Variants in FGF14 observed in about 807,000 individuals in gnomAD.
FGF14 encodes fibroblast growth factor homologous factor 4.
FGF14 carries 5 observed loss-of-function variants against 25.5 expected under a neutral mutation model. The ratio of observed to expected loss-of-function variants is 0.20; its 90% CI spans 0.10 to 0.41. The LOEUF (loss-of-function observed/expected upper bound fraction) is 0.41, where lower values mean the gene tolerates loss of function less well. FGF14 is among the 10% of genes least tolerant of loss of function. FGF14 has a pLI of 1.00. For synonymous variants in FGF14, 138 were observed against 118.3 expected, an observed-to-expected ratio of 1.17 and a Z score of -1.08; for missense variants, 222 against 320.1, an observed-to-expected ratio of 0.69 and a Z score of 2.34.
intron 1 of FGF14, among the ~76,000 whole-genome samples, chr13:101,998,633 C>T (rs2039316300): frequency 1.3e-5 from 2 of 152,250 alleles, no homozygotes; most frequent in South Asian, 2.1e-4. Flanking sequence ...TGTGCAAGAC[C>T]TTCAGTCAAT....
chr13:102,287,607 A>C (rs1249060708), intron 1 of FGF14, among the ~76,000 whole-genome samples: 2 of 152,230 alleles, frequency 1.3e-5, no homozygotes, highest in African/African-American at 4.8e-5. Context: ...TTAGTTGATC[A>C]AATTTCTAAT....
chr13:102,276,349 GTGTGTATA>G (rs1278976012), intron 1 of FGF14, among the ~76,000 whole-genome samples: 8 of 32,762 alleles, frequency 2.4e-4, no homozygotes, highest in African/African-American at 9.8e-4. Context: ...GTGTGTGTGT[GTGTGTATA>G]TATATATATA....
chr13:102,182,322 C>T (rs2048708924), intron 1 of FGF14, among the ~76,000 whole-genome samples: 1 of 152,156 alleles, frequency 6.6e-6, no homozygotes, highest in Non-Finnish European at 1.5e-5. Flanking sequence ...ACAGCAGACT[C>T]TACCTCAGAG....
chr13:101,978,809 T>C (rs1483441847), intron 1 of FGF14, among the ~76,000 whole-genome samples: 1 of 152,146 alleles, frequency 6.6e-6, no homozygotes, highest in Non-Finnish European at 1.5e-5. Context: ...GTACCTTTGA[T>C]AGATAAGCCC....
intron 1 of FGF14, among the ~76,000 whole-genome samples, chr13:102,277,631 G>GAGGATCCC (rs2053612266): frequency 6.6e-6 from 1 of 152,224 alleles, no homozygotes; most frequent in Admixed American, 6.5e-5. Context: ...CCAAGCAGGG[G>GAGGATCCC]AGGATCCCAG....
intron 1 of FGF14, chr13:102,263,125 G>T (rs932714408): frequency 3.2e-6 from 2 of 621,034 alleles, no homozygotes; most frequent in Admixed American, 1.9e-5. Flanking sequence ...AAATCCACTG[G>T]GGAATGGGAT....
At position 101,916,838 on chromosome 13, in the gene FGF14, G is replaced by T. The variant is rs2033564169; in HGVS notation, c.-193C>A. 6.6e-6 allele frequency among the ~76,000 whole-genome samples: 1 copy of T among 152,152 alleles called. No individual in the cohort carries two copies. The highest frequency in any genetic ancestry group is 1.5e-5 in the Non-Finnish European group (1 of 68,014). On this transcript the variant is annotated 5_prime_UTR_variant, in exon 1 of 5. Transcript: ENST00000376143. ...CATCGCCCTCTCCGCGGGGCGCGGG[G>T]CCAGGCGCGCAGATGCGCCCAGGGC...
intron 3 of FGF14, among the ~76,000 whole-genome samples, chr13:101,866,717 T>C (rs190259180): frequency 1.4e-3 from 211 of 152,268 alleles, no homozygotes; most frequent in African/African-American, 4.8e-3. Context: ...ATATTTGAAG[T>C]TCAAATTTTT....
intron 1 of FGF14, among the ~76,000 whole-genome samples, chr13:102,381,413 G>C (rs1032749779): frequency 1.3e-5 from 2 of 152,196 alleles, no homozygotes; most frequent in Non-Finnish European, 2.9e-5. Context: ...TGGTGCCTTT[G>C]TAAGAGAGGC....
At chr13:102,026,890 C>T (rs1174574868) in intron 1 of FGF14, among the ~76,000 whole-genome samples, 1 of 151,840 alleles carries the variant, frequency 6.6e-6, no homozygotes, top group South Asian at 2.1e-4. Flanking sequence ...AGAATTGAAC[C>T]CAGTGAAAGA....
At chr13:102,172,860 C>G (rs901833984) in intron 1 of FGF14, among the ~76,000 whole-genome samples, 9 of 152,164 alleles carry the variant, frequency 5.9e-5, no homozygotes, top group African/African-American at 2.2e-4. Flanking sequence ...ACCTGGTTAA[C>G]CTACCACATG....
chr13:102,059,176 G>A (rs1005315355), intron 1 of FGF14, among the ~76,000 whole-genome samples: 38 of 152,274 alleles, frequency 2.5e-4, no homozygotes, highest in African/African-American at 8.7e-4. Context: ...AATGTCCTCT[G>A]AAAGTCTAGA....
chr13:102,025,946 AT>A (rs2040902772), intron 1 of FGF14, among the ~76,000 whole-genome samples: 1 of 151,972 alleles, frequency 6.6e-6, no homozygotes, highest in African/African-American at 2.4e-5. Context: ...GGGTTGTGTC[AT>A]TTGTAAATAG....
In FGF14 at chr13:101,712,121, T is replaced by C. The variant is rs769609102; in HGVS notation, c.*10710A>G. ...GTGCTATAATAGGTCCTAATAACTATTCACACTGTGTTATTACTATGTGCT... is the reference window on the plus strand; with the variant it reads ...GTGCTATAATAGGTCCTAATAACTACTCACACTGTGTTATTACTATGTGCT... On this transcript the variant is annotated 3_prime_UTR_variant, in exon 5 of 5. Coordinates refer to ENST00000376143, the MANE Select transcript of FGF14 (RefSeq NM_004115.4). 6.6e-6 allele frequency: 1 copy of C among 152,202 alleles called. No individual in the cohort carries two copies. The highest frequency in any genetic ancestry group is 1.5e-5 in the Non-Finnish European group (1 of 68,042). The allele number at this position is 152,202 out of a possible 1,614,324, so 9.4% of individuals were successfully genotyped here. A position where few individuals can be genotyped will look rare whatever the true frequency, so the allele number is the denominator to read the frequency against.
intron 3 of FGF14, among the ~76,000 whole-genome samples, chr13:101,827,853 CAG>C (rs1354339932): frequency 6.6e-6 from 1 of 150,592 alleles, no homozygotes; most frequent in East Asian, 2.0e-4. Context: ...TTCAAGTACT[CAG>C]AGTCATTAAC....
intron 1 of FGF14, among the ~76,000 whole-genome samples, chr13:102,231,167 T>C (rs1566842326): frequency 6.6e-6 from 1 of 152,240 alleles, no homozygotes; most frequent in Non-Finnish European, 1.5e-5. Context: ...ACAAATTTAA[T>C]ATGTTGTGAA....
chr13:102,401,193 T>C (rs755552075), intron 1 of FGF14, among the ~76,000 whole-genome samples: 33 of 149,244 alleles, frequency 2.2e-4, no homozygotes, highest in South Asian at 6.4e-4. Context: ...CCACCAAACA[T>C]AGGCAACCAA....
At chr13:101,801,352 A>AT (rs10712042) in intron 3 of FGF14, among the ~76,000 whole-genome samples, 47 of 151,440 alleles carry the variant, frequency 3.1e-4, no homozygotes, top group African/African-American at 9.8e-4. Context: ...GATGTTGACA[A>AT]TTTTTTTTTT....
At chr13:102,345,044 G>A (rs781257015) in intron 1 of FGF14, among the ~76,000 whole-genome samples, 5 of 152,060 alleles carry the variant, frequency 3.3e-5, no homozygotes, top group Non-Finnish European at 7.4e-5. Flanking sequence ...TCAAGTGAGG[G>A]GCCATGTAAT....
Sources: gnomAD v4.1 joint callset for allele counts (sites outside exome capture counted in the v4.1 genomes callset) on GRCh38, gnomAD v4.1.1 for gene constraint, MANE v1.5 for transcripts, NCBI Gene and HGNC (gene_info 2026-07-23, HGNC 2026-07-21) for gene names.